The following TEX22 variants were observed in gnomAD, a reference collection of about 807,000 sequenced individuals.
TEX22 encodes the protein testis-expressed protein 22.
A neutral mutation model predicts 11.3 loss-of-function variants in TEX22; 16 were observed. The observed-to-expected ratio is 1.42, with a 90% CI of 0.96 to 2.15. The LOEUF is 2.15. Among genes scored for constraint, TEX22 ranks in the 30% most tolerant of loss-of-function variants. The pLI, the probability that TEX22 is intolerant of heterozygous loss-of-function variation, is 0.00. For synonymous variants in TEX22, 97 were observed against 92.3 expected, an observed-to-expected ratio of 1.05 and a Z score of -0.29; for missense variants, 220 against 208.6, an observed-to-expected ratio of 1.05 and a Z score of -0.34.
At position 105,412,354 on chromosome 14, in the gene TEX22, G is replaced by A. The variant is rs1437881379; in HGVS notation, c.*521G>A. On this transcript the variant is annotated 3_prime_UTR_variant, in exon 4 of 4. Coordinates refer to ENST00000451127, the MANE Select transcript of TEX22 (RefSeq NM_001195082.2). This position sits in a 1 kb window ranked among gnomAD's most constrained non-coding sequence, Gnocchi z 5.8. ...CACACGGGACCCCAGGGGTGCTGTG[G>A]TGGGGAGCAGCAAGCCCAGGGACCC... is the stretch of plus-strand genomic sequence containing the variant. 1 of 153,150 alleles carries A rather than the reference G, an allele frequency of 6.5e-6. No homozygotes were observed. The highest frequency in any genetic ancestry group is 2.4e-5 in the African/African-American group (1 of 41,462). The allele number at this position is 153,150 out of a possible 1,614,324, so 9.5% of individuals were successfully genotyped here.
rs150212913 is a variant in TEX22 at position 105,402,003 on chromosome 14, G to T, written c.150+2513G>T. Among the ~76,000 whole-genome samples the T allele has an allele frequency of 5.4e-3, 829 of 152,180 alleles. 12 individuals are homozygous for T. Among genetic ancestry groups the T allele is most frequent in the African/African-American group, 0.018 (759 of 41,546 alleles). On this transcript the variant is annotated intron_variant, in intron 2 of 3. Transcript: ENST00000451127. ...GAGTTGGAGACCATCCTGGCAAATGGGATGAAACCCCGTCTCTATTAAAAA... is the reference window on the plus strand; with the variant it reads ...GAGTTGGAGACCATCCTGGCAAATGTGATGAAACCCCGTCTCTATTAAAAA...
chr14:105,413,102 C>T lies in TEX22; in HGVS notation c.*1269C>T, dbSNP rs2081704808. ...ACAGCCAGGTGCTCCCCTTCTCTCC[C>T]AAGTCCTCTGAATGTCATTTGGTGC... On this transcript the variant is annotated 3_prime_UTR_variant, in exon 4 of 4. Transcript: ENST00000451127. The surrounding 1 kb of genome is among the most constrained non-coding windows in gnomAD (Gnocchi z 4.2). 6.6e-6 allele frequency: 1 copy of T among 152,446 alleles called. No homozygotes were observed. The highest frequency in any genetic ancestry group is 6.5e-5 in the Admixed American group (1 of 15,288). The allele number at this position is 152,446 out of a possible 1,614,324, so 9.4% of individuals were successfully genotyped here. A position where few individuals can be genotyped will look rare whatever the true frequency, so the allele number is the denominator to read the frequency against.
rs2037651407 is a variant in TEX22 at position 105,398,618 on chromosome 14, C to T, written c.-57C>T. On this transcript the variant is annotated 5_prime_UTR_variant, in exon 1 of 4. Coordinates refer to ENST00000451127, the MANE Select transcript of TEX22 (RefSeq NM_001195082.2). Reference sequence around the variant, plus strand: ...GGTGTACTCCAGCGGCCCCCTGTGGCCTCTCCATCCGCGGCGGGTCTGTCC... The same window carrying T: ...GGTGTACTCCAGCGGCCCCCTGTGGTCTCTCCATCCGCGGCGGGTCTGTCC... 1.3e-5 allele frequency: 2 copies of T among 152,428 alleles called. No homozygotes were observed. The highest frequency in any genetic ancestry group is 2.4e-5 in the African/African-American group (1 of 41,598). The allele number at this position is 152,428 out of a possible 1,614,324, so 9.4% of individuals were successfully genotyped here. A position where few individuals can be genotyped will look rare whatever the true frequency, so the allele number is the denominator to read the frequency against.
At chr14:105,407,961 G>T (rs1458312865) in intron 2 of TEX22, among the ~76,000 whole-genome samples, 1 of 151,988 alleles carries the variant, frequency 6.6e-6, no homozygotes, top group Non-Finnish European at 1.5e-5. Flanking sequence ...CTGCATTGGG[G>T]TCTATTTTGT....
chr14:105,404,348 A>G (rs587616787), intron 2 of TEX22, among the ~76,000 whole-genome samples: 1 of 152,300 alleles, frequency 6.6e-6, no homozygotes, highest in African/African-American at 2.4e-5. Context: ...AATGACTTCC[A>G]TGACTTAACC....
At chr14:105,403,211 T>A (rs1313480449) in intron 2 of TEX22, among the ~76,000 whole-genome samples, 1 of 152,226 alleles carries the variant, frequency 6.6e-6, no homozygotes, top group Non-Finnish European at 1.5e-5. Context: ...AATTTATTAT[T>A]CTATTGATTA....
intron 2 of TEX22, among the ~76,000 whole-genome samples, chr14:105,405,929 C>A (rs2081656510): frequency 6.6e-6 from 1 of 152,234 alleles, no homozygotes; most frequent in Non-Finnish European, 1.5e-5. Flanking sequence ...GGCCCTGTGG[C>A]AGAAGGTGGC....
chr14:105,409,967 T>C (rs1459975006), intron 2 of TEX22, among the ~76,000 whole-genome samples: 1 of 152,044 alleles, frequency 6.6e-6, no homozygotes, highest in Non-Finnish European at 1.5e-5. Flanking sequence ...TTTGTAGAGA[T>C]GGGGTCTCAC....
intron 2 of TEX22, among the ~76,000 whole-genome samples, chr14:105,405,732 T>C (rs1359704796): frequency 1.3e-5 from 2 of 152,262 alleles, no homozygotes; most frequent in African/African-American, 4.8e-5. Flanking sequence ...ATTCATGCCA[T>C]GTGGCTTTGT....
At chr14:105,411,579 G>C (rs1379497780) in intron 3 of TEX22, 81 bp from the exon 4 acceptor site, 1 of 1,184,370 alleles carries the variant, frequency 8.4e-7, no homozygotes, top group African/African-American at 1.8e-5. Flanking sequence ...AGTCCCACTG[G>C]GCCCTTTACC....
chr14:105,402,145 C>A (rs1001727493), intron 2 of TEX22, among the ~76,000 whole-genome samples: 1 of 152,072 alleles, frequency 6.6e-6, no homozygotes, highest in African/African-American at 2.4e-5. Context: ...GAGATTCCGC[C>A]ACCACACTCC....
Position 105,411,371 on chromosome 14 carries a change from T to A in TEX22, c.154T>A (p.Cys52Ser), listed in dbSNP as rs782237789. The A allele has an allele frequency of 8.3e-6, 11 of 1,327,962 alleles. No individual in the cohort carries two copies. The South Asian group carries it at 1.5e-4, about 18-fold the overall frequency. 82.3% of individuals were successfully genotyped at this position (1,327,962 alleles called of 1,614,324 possible). A position where few individuals can be genotyped will look rare whatever the true frequency, so the allele number is the denominator to read the frequency against. Residue 52 changes from cysteine (C) to serine (S), a missense_variant, in exon 3 of 4, where the codon TGC becomes AGC. Physicochemically the swap from Cys to Ser is moderately radical, Grantham distance 112. Coordinates refer to ENST00000451127, the MANE Select transcript of TEX22 (RefSeq NM_001195082.2). ...QQGLQTQDWV[C>S]EPPERRRPGR... The stretch of plus-strand genomic sequence containing the variant: ...GACCCGCTGCCCTGTCCCCCAGGTG[T>A]GCGAGCCGCCGGAACGCAGGCGCCC...
Position 105,401,466 on chromosome 14 carries a change from G to T in TEX22, c.150+1976G>T, listed in dbSNP as rs1460926395. Among the ~76,000 whole-genome samples, 4 of 151,544 alleles carry T rather than the reference G, an allele frequency of 2.6e-5. No individual in the cohort carries two copies. In the East Asian group the frequency reaches 7.8e-4, roughly 30 times the overall value. On this transcript the variant is annotated intron_variant, in intron 2 of 3. Coordinates refer to ENST00000451127, the MANE Select transcript of TEX22 (RefSeq NM_001195082.2). ...ATGAAGCTGGAAACCATCATTCTCA[G>T]CAAACTATCGCAAGGACAAAAAACC... is the stretch of plus-strand genomic sequence containing the variant.
chr14:105,411,569 A>G, intron 3 of TEX22, 73 bp downstream of exon 3: 1 of 958,632 alleles, frequency 1.0e-6, no homozygotes. Flanking sequence ...CCCTCGACTC[A>G]GTCCCACTGG....
At chr14:105,399,841 CA>C (rs145576728) in intron 2 of TEX22, among the ~76,000 whole-genome samples, 2,952 of 152,192 alleles carry the variant, frequency 0.019, 129 homozygotes, top group East Asian at 0.16. Context: ...GCAAGGTCCC[CA>C]GGGGGGGTGG....
In TEX22 at chr14:105,411,373, C is replaced by T; in HGVS notation, c.156C>T (p.Cys52=). Residue 52 remains cysteine, a synonymous_variant, in exon 3 of 4, where the codon TGC becomes TGT. Coordinates refer to ENST00000451127, the MANE Select transcript of TEX22 (RefSeq NM_001195082.2). The stretch of plus-strand genomic sequence containing the variant: ...CCCGCTGCCCTGTCCCCCAGGTGTG[C>T]GAGCCGCCGGAACGCAGGCGCCCGG... The part of the protein sequence containing the change: ...QQGLQTQDWV[C]EPPERRRPGR... 2 of 1,326,574 alleles carry T rather than the reference C, an allele frequency of 1.5e-6. No homozygotes were observed. The highest frequency in any genetic ancestry group is 9.6e-7 in the Non-Finnish European group (1 of 1,037,826). The allele number at this position is 1,326,574 out of a possible 1,614,324, so 82.2% of individuals were successfully genotyped here. A position where few individuals can be genotyped will look rare whatever the true frequency, so the allele number is the denominator to read the frequency against.
At chr14:105,404,373 C>T (rs1429279949) in intron 2 of TEX22, among the ~76,000 whole-genome samples, 1 of 152,218 alleles carries the variant, frequency 6.6e-6, no homozygotes, top group Admixed American at 6.5e-5. Flanking sequence ...AAGTCACACT[C>T]CTCTCTTTCT....
At chr14:105,402,492 C>T (rs190252612) in intron 2 of TEX22, among the ~76,000 whole-genome samples, 23 of 152,010 alleles carry the variant, frequency 1.5e-4, no homozygotes, top group South Asian at 8.3e-4. Context: ...TGGTGGCTCA[C>T]GCCTGTAATC....
At chr14:105,406,659 C>G (rs1338628367) in intron 2 of TEX22, among the ~76,000 whole-genome samples, 1 of 149,858 alleles carries the variant, frequency 6.7e-6, no homozygotes, top group Non-Finnish European at 1.5e-5. Flanking sequence ...TGAATTAAGT[C>G]TACGTACTTG....
Sources: allele counts gnomAD v4.1 joint callset (sites outside exome capture counted in the v4.1 genomes callset), GRCh38; gene constraint gnomAD v4.1.1; non-coding constraint Gnocchi (gnomAD v3.1); transcripts MANE v1.5; gene names NCBI Gene and HGNC (gene_info 2026-07-23, HGNC 2026-07-21).